Variants in CTNNA2 observed in about 807,000 individuals in gnomAD.
The protein encoded by CTNNA2 is catenin alpha 2.
CTNNA2 carries 42 observed loss-of-function variants against 101.0 expected under a neutral mutation model. That is an observed-to-expected ratio of 0.42 (90% confidence interval 0.32 to 0.54). The LOEUF is 0.54. Ranked by LOEUF, CTNNA2 falls within the 20% of genes least tolerant of loss-of-function variation. The pLI is 0.14. For missense variants in CTNNA2, 871 were observed against 1,223.1 expected (o/e 0.71, Z 4.29); for synonymous variants, 450 against 456.4 (o/e 0.99, Z 0.18).
chr2:79,728,788 C>T (rs890861565), intron 2 of CTNNA2, among the ~76,000 whole-genome samples: 2 of 152,062 alleles, frequency 1.3e-5, no homozygotes, highest in African/African-American at 4.8e-5. Context: ...TCAGCTTTCT[C>T]CATATGGCTA....
chr2:80,493,333 G>A (rs1687205321), intron 9 of CTNNA2, among the ~76,000 whole-genome samples: 1 of 152,108 alleles, frequency 6.6e-6, no homozygotes, highest in Admixed American at 6.6e-5. Context: ...ATGTTGCCAC[G>A]GTGATCAGCG....
At chr2:80,420,689 C>A (rs1276614245) in intron 9 of CTNNA2, among the ~76,000 whole-genome samples, 2 of 151,998 alleles carry the variant, frequency 1.3e-5, no homozygotes, top group Non-Finnish European at 2.9e-5. Flanking sequence ...TGCTAAGCAC[C>A]TGCTTAGTTT....
chr2:79,826,006 G>T lies in CTNNA2; in HGVS notation c.299-32007G>T, dbSNP rs543680728. On this transcript the variant is annotated intron_variant, in intron 3 of 18. Coordinates refer to ENST00000402739, the MANE Select transcript of CTNNA2 (RefSeq NM_001282597.3). ...AAGTGCCATCACCTCTTTTTGCATT[G>T]TTTTGTTTGGGTCTCATAGACTCAC... Among the ~76,000 whole-genome samples the T allele has an allele frequency of 3.3e-5, 5 of 152,176 alleles. No individual in the cohort carries two copies. The East Asian group carries it at 9.7e-4, about 29-fold the overall frequency.
At chr2:79,553,567 C>T (rs1674251948) in intron 1 of CTNNA2, among the ~76,000 whole-genome samples, 1 of 152,034 alleles carries the variant, frequency 6.6e-6, no homozygotes, top group Admixed American at 6.6e-5. Flanking sequence ...GCTGGAGGGG[C>T]CTCAAGAAAC....
chr2:79,940,756 C>T (rs113957952), intron 7 of CTNNA2, among the ~76,000 whole-genome samples: 2 of 152,340 alleles, frequency 1.3e-5, no homozygotes, highest in African/African-American at 2.4e-5. Context: ...GGCACACTTA[C>T]AGTAGCCTAT....
chr2:80,240,854 A>G (rs971412996), intron 7 of CTNNA2, among the ~76,000 whole-genome samples: 6 of 152,120 alleles, frequency 3.9e-5, no homozygotes, highest in African/African-American at 9.7e-5. Context: ...TGTTGGGTAC[A>G]TTTTCTGAAG....
intron 4 of CTNNA2, among the ~76,000 whole-genome samples, chr2:79,408,752 A>G (rs1420162234): frequency 6.6e-6 from 1 of 152,074 alleles, no homozygotes; most frequent in Non-Finnish European, 1.5e-5. Context: ...TAGTGCCGCA[A>G]TAAACATATG....
intron 9 of CTNNA2, among the ~76,000 whole-genome samples, chr2:80,427,538 G>T (rs549715649): frequency 1.1e-4 from 16 of 152,296 alleles, no homozygotes; most frequent in African/African-American, 3.6e-4. Context: ...GTAAAGTACA[G>T]CACTGAAGCC....
intron 7 of CTNNA2, among the ~76,000 whole-genome samples, chr2:79,914,793 C>T: frequency 6.7e-6 from 1 of 150,276 alleles, no homozygotes; most frequent in East Asian, 2.0e-4. Context: ...TTTTTCAAGC[C>T]TCTTGAAGCA....
chr2:79,456,184 T>C (rs1670818399), intron 4 of CTNNA2, among the ~76,000 whole-genome samples: 1 of 150,994 alleles, frequency 6.6e-6, no homozygotes, highest in South Asian at 2.1e-4. Flanking sequence ...AACTATTGAA[T>C]TATAAAATTA....
intron 9 of CTNNA2, among the ~76,000 whole-genome samples, chr2:80,500,780 G>A (rs1687821192): frequency 6.6e-6 from 1 of 152,122 alleles, no homozygotes; most frequent in African/African-American, 2.4e-5. Flanking sequence ...GTGCAATGTG[G>A]CAGCCCTATA....
intron 7 of CTNNA2, among the ~76,000 whole-genome samples, chr2:79,986,156 A>T (rs1691744913): frequency 6.6e-6 from 1 of 152,098 alleles, no homozygotes; most frequent in South Asian, 2.1e-4. Flanking sequence ...AATTGTCAAG[A>T]CCTCTTTAAG....
At chr2:80,462,536 G>C (rs1572949845) in intron 9 of CTNNA2, among the ~76,000 whole-genome samples, 1 of 150,982 alleles carries the variant, frequency 6.6e-6, no homozygotes, top group East Asian at 2.0e-4. Context: ...TAAACATTTG[G>C]GTTTTCCATT....
chr2:79,658,475 AG>A (rs2104513182), intron 2 of CTNNA2, among the ~76,000 whole-genome samples: 1 of 152,170 alleles, frequency 6.6e-6, no homozygotes, highest in African/African-American at 2.4e-5. Context: ...TATCTAATAC[AG>A]GGATTCATTT....
chr2:80,189,651 T>C (rs1706349423), intron 7 of CTNNA2, among the ~76,000 whole-genome samples: 1 of 152,090 alleles, frequency 6.6e-6, no homozygotes, highest in Non-Finnish European at 1.5e-5. Context: ...AACCTAGACC[T>C]ACACAGACTT....
intron 9 of CTNNA2, among the ~76,000 whole-genome samples, chr2:80,452,376 A>G (rs963409002): frequency 2.6e-5 from 4 of 151,628 alleles, no homozygotes; most frequent in African/African-American, 9.8e-5. Flanking sequence ...CACAGATGTG[A>G]TCCCTGCTTC....
At chr2:80,560,662 A>G (rs938919270) in intron 12 of CTNNA2, among the ~76,000 whole-genome samples, 1 of 152,148 alleles carries the variant, frequency 6.6e-6, no homozygotes, top group Non-Finnish European at 1.5e-5. Flanking sequence ...TCCTCCCTGC[A>G]ACGTTCTTCA....
intron 3 of CTNNA2, among the ~76,000 whole-genome samples, chr2:79,347,068 A>G (rs149587107): frequency 6.6e-6 from 1 of 152,332 alleles, no homozygotes; most frequent in East Asian, 1.9e-4. Context: ...GGAACAAACC[A>G]GCATGTGTAC....
At chr2:80,292,297 A>G (rs548583511) in intron 7 of CTNNA2, among the ~76,000 whole-genome samples, 42 of 152,258 alleles carry the variant, frequency 2.8e-4, no homozygotes, top group Non-Finnish European at 4.0e-4. Flanking sequence ...TTTATAGATG[A>G]AGGAACTGAG....
Sources: gnomAD v4.1 joint callset for allele counts (sites outside exome capture counted in the v4.1 genomes callset) on GRCh38, gnomAD v4.1.1 for gene constraint, MANE v1.5 for transcripts, NCBI Gene and HGNC (gene_info 2026-07-23, HGNC 2026-07-21) for gene names.